Variants in ALPK1 observed in about 807,000 individuals in gnomAD.
ALPK1 encodes the protein alpha-protein kinase 1.
In ALPK1, 110 loss-of-function variants were observed where a neutral mutation model predicts 120.6. The ratio of observed to expected loss-of-function variants is 0.91; its 90% CI spans 0.78 to 1.07. ALPK1 has a LOEUF of 1.07. Among genes scored for constraint, ALPK1 ranks in the 50% least tolerant of loss-of-function variants. The pLI is 0.00. For missense variants in ALPK1, 1,498 were observed against 1,483.9 expected (o/e 1.01, Z -0.16); for synonymous variants, 582 against 560.3 (o/e 1.04, Z -0.55).
intron 2 of ALPK1, chr4:112,358,591 G>A (rs1464194177): frequency 2.8e-6 from 2 of 721,022 alleles, no homozygotes; most frequent in Non-Finnish European, 5.0e-6. Context: ...CCTGGGGGCT[G>A]CTGGCCGCCC....
chr4:112,396,913 A>T (rs1178359762), intron 4 of ALPK1, among the ~76,000 whole-genome samples: 2 of 152,018 alleles, frequency 1.3e-5, no homozygotes, highest in Non-Finnish European at 2.9e-5. Context: ...AAGTAACTGG[A>T]ACCACATGCG....
At chr4:112,305,876 G>T (rs1200407335) in intron 1 of ALPK1, among the ~76,000 whole-genome samples, 1 of 151,992 alleles carries the variant, frequency 6.6e-6, no homozygotes, top group East Asian at 1.9e-4. Context: ...TATGATATTG[G>T]CTGTGGGTTT....
chr4:112,382,773 G>A, intron 4 of ALPK1: 2 of 564,796 alleles, frequency 3.5e-6, no homozygotes, highest in Non-Finnish European at 3.1e-6. Context: ...AGTGAAGAGT[G>A]GTCAGTGAGT....
At chr4:112,324,019 CACTGCTTTTATAAAA>C (rs1296231780) in intron 2 of ALPK1, among the ~76,000 whole-genome samples, 1 of 152,154 alleles carries the variant, frequency 6.6e-6, no homozygotes. Flanking sequence ...TTAGGGAGCC[CACTGCTTTTATAAAA>C]AGCCTGCTCT....
In ALPK1 at chr4:112,435,133, C is replaced by CT. The variant is rs201331298; in HGVS notation, c.3035-6dup. On this transcript the variant is annotated splice_polypyrimidine_tract_variant and intron_variant, in intron 11 of 15. Coordinates refer to ENST00000650871, the MANE Select transcript of ALPK1 (RefSeq NM_025144.4). ...TTTTGAAAATAAGATTCATTTTCAT[C>CT]TTTTTTTTTCCCAGGTGCTCTTTTG... 1,915 of 1,537,178 alleles carry CT rather than the reference C, an allele frequency of 1.2e-3. 9 individuals carry two copies. The African/African-American group carries it at 0.017, about 14-fold the overall frequency.
At chr4:112,362,547 T>TA (rs991486049) in intron 2 of ALPK1, among the ~76,000 whole-genome samples, 36 of 150,766 alleles carry the variant, frequency 2.4e-4, no homozygotes, top group African/African-American at 7.3e-4. Context: ...AAAAAAGAAT[T>TA]AAAAAAAAAT....
chr4:112,395,283 A>G (rs1732600227), intron 4 of ALPK1, among the ~76,000 whole-genome samples: 1 of 152,184 alleles, frequency 6.6e-6, no homozygotes, highest in East Asian at 1.9e-4. Context: ...CCACCCTTTC[A>G]TCATGTGTAA....
chr4:112,308,571 T>G (rs1056150796), intron 1 of ALPK1, among the ~76,000 whole-genome samples: 3 of 152,082 alleles, frequency 2.0e-5, no homozygotes, highest in Admixed American at 2.0e-4. Context: ...TCATCACATA[T>G]TTCTTGTTCC....
In ALPK1 at chr4:112,362,109, C is replaced by G. The variant is rs537774216; in HGVS notation, c.-100-15569C>G. Among the ~76,000 whole-genome samples the G allele has an allele frequency of 3.3e-5, 5 of 152,352 alleles. No homozygotes were observed. The South Asian group carries it at 1.0e-3, about 32-fold the overall frequency. ...ACAGCAGATCTGAGTCCTAGATCCTCCCTCTGACATAGTCTAACCAAATGA... is the reference window on the plus strand; with the variant it reads ...ACAGCAGATCTGAGTCCTAGATCCTGCCTCTGACATAGTCTAACCAAATGA... On this transcript the variant is annotated intron_variant, in intron 2 of 15. Transcript: ENST00000650871.
chr4:112,324,404 A>G (rs949392062), intron 2 of ALPK1, among the ~76,000 whole-genome samples: 8 of 151,770 alleles, frequency 5.3e-5, no homozygotes, highest in African/African-American at 1.7e-4. Flanking sequence ...AAGATGCTGC[A>G]AATTCTAATA....
intron 2 of ALPK1, among the ~76,000 whole-genome samples, chr4:112,320,128 C>T (rs1022440532): frequency 2.6e-5 from 4 of 152,180 alleles, no homozygotes; most frequent in African/African-American, 9.7e-5. Flanking sequence ...TTCCAGATCT[C>T]AGGGGGAATG....
intron 2 of ALPK1, among the ~76,000 whole-genome samples, chr4:112,345,291 T>C (rs944208805): frequency 1.3e-5 from 2 of 152,224 alleles, no homozygotes; most frequent in Admixed American, 6.5e-5. Context: ...AATATTAAAG[T>C]TCAGCTGTGA....
At chr4:112,439,563 A>G (rs1274979764) in intron 13 of ALPK1, 123 bp from the exon 14 acceptor site, 13 of 693,532 alleles carry the variant, frequency 1.9e-5, no homozygotes, top group Non-Finnish European at 2.8e-5. Context: ...TACTTTACCC[A>G]TGATGAAATT....
intron 2 of ALPK1, among the ~76,000 whole-genome samples, chr4:112,326,311 C>G (rs769280903): frequency 6.6e-6 from 1 of 152,190 alleles, no homozygotes; most frequent in East Asian, 1.9e-4. Flanking sequence ...AAACTAAGGA[C>G]GCTGCAACTG....
intron 2 of ALPK1, among the ~76,000 whole-genome samples, chr4:112,370,506 T>C (rs1213657917): frequency 6.6e-6 from 1 of 152,180 alleles, no homozygotes; most frequent in Non-Finnish European, 1.5e-5. Flanking sequence ...AAAAACAATA[T>C]ACAGCTCACA....
chr4:112,394,599 A>G (rs113970782), intron 4 of ALPK1, among the ~76,000 whole-genome samples: 131 of 152,346 alleles, frequency 8.6e-4, no homozygotes, highest in African/African-American at 3.0e-3. Flanking sequence ...ACTCTGCCAA[A>G]AACTGCCCTT....
intron 4 of ALPK1, among the ~76,000 whole-genome samples, chr4:112,400,129 G>A (rs959040300): frequency 1.3e-5 from 2 of 152,162 alleles, no homozygotes; most frequent in African/African-American, 4.8e-5. Flanking sequence ...TGGGATTGCT[G>A]GGTCAAATGA....
intron 2 of ALPK1, among the ~76,000 whole-genome samples, chr4:112,317,971 C>T (rs1728709318): frequency 6.6e-6 from 1 of 152,058 alleles, no homozygotes. Flanking sequence ...ATGCCTCAAA[C>T]CACAAGACGT....
At chr4:112,374,838 C>A (rs1458890677) in intron 2 of ALPK1, among the ~76,000 whole-genome samples, 1 of 152,176 alleles carries the variant, frequency 6.6e-6, no homozygotes, top group Non-Finnish European at 1.5e-5. Context: ...TAGGTCTCAA[C>A]AGGGCACTTA....
Sources: allele counts gnomAD v4.1 joint callset (sites outside exome capture counted in the v4.1 genomes callset), GRCh38; gene constraint gnomAD v4.1.1; transcripts MANE v1.5; gene names NCBI Gene and HGNC (gene_info 2026-07-23, HGNC 2026-07-21).